MTMR6: variants seen among roughly 807,000 people sequenced by gnomAD.
MTMR6 encodes myotubularin related protein 6.
A neutral mutation model predicts 80.1 loss-of-function variants in MTMR6; 47 were observed. The observed-to-expected ratio is 0.59, with a 90% CI of 0.46 to 0.75. The LOEUF is 0.75. MTMR6 is among the 30% of genes least tolerant of loss of function. The pLI, the probability that MTMR6 is intolerant of heterozygous loss-of-function variation, is 0.00. For synonymous variants in MTMR6, 254 were observed against 253.0 expected (o/e 1.00, Z -0.04); for missense variants, 629 against 730.9 (o/e 0.86, Z 1.61).
rs745859352 is a variant in MTMR6, at chr13:25,257,218, T to C, written c.1073A>G (p.Tyr358Cys). 6.2e-6 allele frequency: 10 copies of C among 1,613,734 alleles called. No homozygotes were observed. Among genetic ancestry groups the C allele is most frequent in the Non-Finnish European group, 8.5e-6 (10 of 1,179,794 alleles). The change falls in exon 9 of 14, where the codon TAC becomes TGC. Residue 358 changes from tyrosine (Y) to cysteine (C), a missense_variant. Transcript: ENST00000381801. ...TACCATGAATCCTTTGATTGTCCTG[T>C]AGTAGGAATCCAATAAAAGAGAACC... ...SLGSLLLDSY[Y>C]RTIKGFMVLI...
At chr13:25,257,944 AAAAT>A (rs142779718) in intron 7 of MTMR6, 99 bp from the exon 8 acceptor site, 53,737 of 737,364 alleles carry the variant, frequency 0.073, 2,341 homozygotes, top group Admixed American at 0.093. Flanking sequence ...GAAAGAAGAC[AAAAT>A]AAACAGGCAA....
intron 6 of MTMR6, chr13:25,260,582 T>TC (rs765526585): frequency 1.2e-5 from 16 of 1,281,224 alleles, no homozygotes; most frequent in African/African-American, 1.5e-5. Context: ...ACTCGCTTTT[T>TC]CTCATTGCTT....
chr13:25,256,464 G>T (rs560581970), intron 9 of MTMR6, among the ~76,000 whole-genome samples: 66 of 152,214 alleles, frequency 4.3e-4, no homozygotes, highest in African/African-American at 1.6e-3. Context: ...ATCTTCCTTT[G>T]CTTTAAGATG....
At chr13:25,259,645 T>C (rs187614395) in intron 6 of MTMR6, among the ~76,000 whole-genome samples, 1 of 152,264 alleles carries the variant, frequency 6.6e-6, no homozygotes, top group Admixed American at 6.5e-5. Flanking sequence ...GAATGATATA[T>C]TTTCTGTGAA....
chr13:25,267,015 C>T (rs974321183), intron 3 of MTMR6, among the ~76,000 whole-genome samples: 5 of 152,064 alleles, frequency 3.3e-5, no homozygotes, highest in African/African-American at 9.6e-5. Flanking sequence ...TTTGGGAGGC[C>T]GAGGAGGGTG....
chr13:25,273,861 T>C (rs1437617134), intron 2 of MTMR6, among the ~76,000 whole-genome samples: 1 of 152,178 alleles, frequency 6.6e-6, no homozygotes, highest in Non-Finnish European at 1.5e-5. Context: ...TTTATGGAGA[T>C]AAGAGTGTGG....
At chr13:25,269,838 T>C (rs1957534185) in intron 2 of MTMR6, among the ~76,000 whole-genome samples, 1 of 152,048 alleles carries the variant, frequency 6.6e-6, no homozygotes, top group Non-Finnish European at 1.5e-5. Flanking sequence ...CACACATATA[T>C]AGTCCTTACG....
At chr13:25,252,436 C>A (rs1353216651) in intron 11 of MTMR6, among the ~76,000 whole-genome samples, 2 of 152,184 alleles carry the variant, frequency 1.3e-5, no homozygotes, top group Non-Finnish European at 2.9e-5. Context: ...AAAAAGGGAA[C>A]AGGCAAAATC....
intron 2 of MTMR6, among the ~76,000 whole-genome samples, chr13:25,269,832 CAT>C (rs1464902147): frequency 3.9e-5 from 6 of 151,938 alleles, no homozygotes; most frequent in African/African-American, 1.5e-4. Context: ...CACACACACA[CAT>C]ATATAGTCCT....
Position 25,249,360 on chromosome 13 carries a change from C to G in MTMR6, c.1738G>C (p.Asp580His). The change falls in exon 14 of 14, where the codon GAT (aspartate) becomes CAT (histidine). Residue 580 changes from aspartate (D) to histidine (H), a missense_variant. Asp to His is a moderately conservative substitution (Grantham distance 81). Coordinates refer to ENST00000381801, the MANE Select transcript of MTMR6 (RefSeq NM_004685.5). ...CTGCCCTCTATAGTTCGAAGAGCAT[C>G]ATTTACGGGTAGCAGAGTCTGCTCT... ...FKEQTLLPVN[D>H]ALRTIEGSSP... is the part of the protein sequence containing the mutation. 6 of 1,614,140 alleles carry G rather than the reference C, an allele frequency of 3.7e-6. No homozygotes were observed. The highest frequency in any genetic ancestry group is 5.1e-6 in the Non-Finnish European group (6 of 1,179,996).
rs142949277 is a variant in MTMR6, at chr13:25,266,142, T to A, written c.449A>T (p.Asn150Ile). Reference sequence around the variant, plus strand: ...TTGTTAAGGTACCTTGTAGTCCCGGTTGGCATCAGACAACTGCCAGTGTGA... The same window carrying A: ...TTGTTAAGGTACCTTGTAGTCCCGGATGGCATCAGACAACTGCCAGTGTGA... ...PNSHWQLSDA[N>I]RDYKICETYP... Residue 150 changes from asparagine to isoleucine, a missense_variant, in exon 4 of 14, where the codon AAC becomes ATC. Coordinates refer to ENST00000381801, the MANE Select transcript of MTMR6 (RefSeq NM_004685.5). The A allele has an allele frequency of 3.1e-6, 5 of 1,613,690 alleles. No individual in the cohort carries two copies. In the African/African-American group the frequency reaches 5.3e-5, roughly 17 times the overall value.
rs543284403 is a variant in MTMR6 at position 25,275,777 on chromosome 13, C to T, written c.25-1590G>A. ...TCGGGAGGCTGAGGCAGGAGAATCA[C>T]TTGAATCTGGGGGTCAGAGGTTGCG... On this transcript the variant is annotated intron_variant, in intron 1 of 13. Coordinates refer to ENST00000381801, the MANE Select transcript of MTMR6 (RefSeq NM_004685.5). 4.0e-5 allele frequency among the ~76,000 whole-genome samples: 6 copies of T among 150,872 alleles called. No homozygotes were observed. In the South Asian group the frequency reaches 1.3e-3, roughly 32 times the overall value.
intron 1 of MTMR6, among the ~76,000 whole-genome samples, chr13:25,274,941 C>CAGACAGACACACACACACACACAT (rs113746536): frequency 2.3e-5 from 3 of 130,606 alleles, no homozygotes; most frequent in Non-Finnish European, 4.9e-5. Flanking sequence ...AGTAGACAGA[C>CAGACAGACACACACACACACACAT]ACACACACAC....
intron 11 of MTMR6, among the ~76,000 whole-genome samples, chr13:25,252,547 C>T (rs769461310): frequency 2.0e-5 from 3 of 152,184 alleles, no homozygotes; most frequent in Non-Finnish European, 4.4e-5. Flanking sequence ...ACCAAGTAAA[C>T]ATAATGTAGG....
At chr13:25,273,561 T>C (rs1446839597) in intron 2 of MTMR6, among the ~76,000 whole-genome samples, 3 of 148,160 alleles carry the variant, frequency 2.0e-5, no homozygotes, top group African/African-American at 7.4e-5. Context: ...AGTCTCACAC[T>C]GTCACCCAGG....
chr13:25,264,669 C>A (rs1409932145), intron 5 of MTMR6, among the ~76,000 whole-genome samples: 1 of 148,566 alleles, frequency 6.7e-6, no homozygotes, highest in Non-Finnish European at 1.5e-5. Flanking sequence ...GCAGGAGAAT[C>A]GCTTGAACCC....
intron 5 of MTMR6, among the ~76,000 whole-genome samples, chr13:25,263,916 A>G (rs142489527): frequency 2.8e-4 from 43 of 152,240 alleles, no homozygotes; most frequent in East Asian, 5.8e-4. Context: ...GAAAACAAAG[A>G]AAGAATCCCA....
intron 9 of MTMR6, among the ~76,000 whole-genome samples, chr13:25,256,805 T>G (rs1006269442): frequency 4.6e-5 from 7 of 152,238 alleles, no homozygotes; most frequent in Non-Finnish European, 7.3e-5. Context: ...ATTTGTGCAT[T>G]GTTTTATTAC....
intron 1 of MTMR6, among the ~76,000 whole-genome samples, chr13:25,274,961 TAC>T (rs71077456): frequency 0.01 from 1,077 of 105,020 alleles, 17 homozygotes; most frequent in African/African-American, 0.028. Context: ...CACACACACA[TAC>T]ACACACACAC....
Sources: allele counts gnomAD v4.1 joint callset (sites outside exome capture counted in the v4.1 genomes callset), GRCh38; gene constraint gnomAD v4.1.1; transcripts MANE v1.5; gene names NCBI Gene and HGNC (gene_info 2026-07-23, HGNC 2026-07-21).